The following TAB2 variants were observed in gnomAD, a reference collection of about 807,000 sequenced individuals.
TAB2 encodes the protein TGF-beta activated kinase 1 (MAP3K7) binding protein 2.
A neutral mutation model predicts 65.0 loss-of-function variants in TAB2; 3 were observed. That is an observed-to-expected ratio of 0.05 (90% CI 0.02 to 0.12). TAB2 has a LOEUF of 0.12. Among genes scored for constraint, TAB2 ranks in the 10% least tolerant of loss-of-function variants. The pLI is 1.00. For synonymous variants in TAB2, 298 were observed against 285.1 expected, an observed-to-expected ratio of 1.05 and a Z score of -0.46; for missense variants, 623 against 840.3, an observed-to-expected ratio of 0.74 and a Z score of 3.20.
chr6:149,403,303 T>TACAC (rs1554265436), intron 6 of TAB2, among the ~76,000 whole-genome samples: 20 of 68,044 alleles, frequency 2.9e-4, no homozygotes, highest in African/African-American at 1.0e-3. Context: ...CACATATATA[T>TACAC]ATATATATAT....
chr6:149,264,443 C>CTTGTT (rs1295221067), intron 1 of TAB2, among the ~76,000 whole-genome samples: 1 of 151,080 alleles, frequency 6.6e-6, no homozygotes, highest in Non-Finnish European at 1.5e-5. Flanking sequence ...GGAAGGAGTT[C>CTTGTT]TTGTTTTGTT....
chr6:149,393,679 A>C (rs1278829422), intron 3 of TAB2, among the ~76,000 whole-genome samples: 1 of 152,208 alleles, frequency 6.6e-6, no homozygotes, highest in Non-Finnish European at 1.5e-5. Context: ...TGTGACTGGG[A>C]GAATGCTCAA....
At chr6:149,315,290 T>C (rs913598353), upstream of TAB2, among the ~76,000 whole-genome samples, 2 of 152,206 alleles carry the variant, frequency 1.3e-5, no homozygotes, top group Non-Finnish European at 2.9e-5. Context: ...TTCACCAATT[T>C]TTAATTGTTT....
At position 149,378,829 on chromosome 6, in the gene TAB2, A is replaced by G; in HGVS notation, c.914A>G (p.Gln305Arg). Residue 305 changes from glutamine to arginine, a missense_variant, in exon 3 of 7, where the codon CAG (glutamine) becomes CGG (arginine). Around this residue, in one of 3 missense-constraint regions of TAB2, gnomAD observed 550 missense variants for 665.7 expected, o/e 0.83. Transcript: ENST00000637181. ...ACCATTCATTCATCTGGTAGCTCAC[A>G]GTCTTCTGCCCATAGCCAATATAAC... ...PPTIHSSGSS[Q>R]SSAHSQYNIQ... 1.9e-6 allele frequency: 3 copies of G among 1,614,170 alleles called. No homozygotes were observed. Among genetic ancestry groups the G allele is most frequent in the South Asian group, 1.1e-5 (1 of 91,088 alleles).
At chr6:149,261,854 C>T (rs966595300) in intron 1 of TAB2, among the ~76,000 whole-genome samples, 1 of 152,240 alleles carries the variant, frequency 6.6e-6, no homozygotes, top group African/African-American at 2.4e-5. Flanking sequence ...ATGTGCAACT[C>T]AGGCTAATTT....
intron 1 of TAB2, among the ~76,000 whole-genome samples, chr6:149,248,456 G>GGAAGAA (rs1777782814): frequency 9.0e-6 from 1 of 110,704 alleles, no homozygotes; most frequent in African/African-American, 3.6e-5. Context: ...AGGAAGAAAA[G>GGAAGAA]AAGGAAGGAA....
intron 3 of TAB2, among the ~76,000 whole-genome samples, chr6:149,396,288 G>A (rs1028460269): frequency 6.6e-6 from 1 of 152,172 alleles, no homozygotes; most frequent in African/African-American, 2.4e-5. Flanking sequence ...CAAAGTGCTG[G>A]AGTTACAGGT....
chr6:149,328,604 A>G (rs1363727466), intron 1 of TAB2, among the ~76,000 whole-genome samples: 1 of 152,100 alleles, frequency 6.6e-6, no homozygotes, highest in East Asian at 1.9e-4. Context: ...TACATTCTTT[A>G]TTATTCAAAC....
chr6:149,340,806 A>G (rs921538913), intron 1 of TAB2, among the ~76,000 whole-genome samples: 2 of 152,148 alleles, frequency 1.3e-5, no homozygotes, highest in African/African-American at 4.8e-5. Flanking sequence ...ACTTTTTAAA[A>G]CTTTTAAAAT....
intron 6 of TAB2, among the ~76,000 whole-genome samples, chr6:149,407,409 G>C (rs115459072): frequency 0.011 from 1,721 of 152,210 alleles, 33 homozygotes; most frequent in African/African-American, 0.04. Context: ...AATTGGTCTT[G>C]ACAGTTGTTG....
intron 1 of TAB2, among the ~76,000 whole-genome samples, chr6:149,312,215 T>C (rs1779177441): frequency 6.6e-6 from 1 of 152,240 alleles, no homozygotes; most frequent in Admixed American, 6.5e-5. Context: ...ACACAACACA[T>C]ACATACCACA....
chr6:149,239,367 G>A (rs900580985), intron 1 of TAB2, among the ~76,000 whole-genome samples: 2 of 137,976 alleles, frequency 1.4e-5, no homozygotes, highest in African/African-American at 5.2e-5. Context: ...GAGCCAGGAA[G>A]CAGAGGCTAA....
intron 1 of TAB2, among the ~76,000 whole-genome samples, chr6:149,340,149 C>T (rs1780070663): frequency 6.6e-6 from 1 of 152,120 alleles, no homozygotes; most frequent in African/African-American, 2.4e-5. Context: ...GAATAAAAAG[C>T]TTAAACTACA....
chr6:149,379,972 G>T (rs1323439543), intron 3 of TAB2: 2 of 450,038 alleles, frequency 4.4e-6, no homozygotes, highest in Admixed American at 2.4e-5. Context: ...GGGCATGGTG[G>T]CTCACGCCTG....
chr6:149,340,558 G>T (rs1466090226), intron 1 of TAB2, among the ~76,000 whole-genome samples: 1 of 152,114 alleles, frequency 6.6e-6, no homozygotes, highest in Non-Finnish European at 1.5e-5. Context: ...AGAATCAACT[G>T]AAATATTACT....
At chr6:149,316,701 C>T (rs1779260759), upstream of TAB2, among the ~76,000 whole-genome samples, 1 of 152,126 alleles carries the variant, frequency 6.6e-6, no homozygotes, top group South Asian at 2.1e-4. Context: ...CCCCCCTCTT[C>T]CCGCAAAGCT....
intron 1 of TAB2, among the ~76,000 whole-genome samples, chr6:149,227,649 A>C (rs549993647): frequency 2.6e-5 from 4 of 152,326 alleles, no homozygotes; most frequent in African/African-American, 7.2e-5. Flanking sequence ...TGCCCCCAGA[A>C]CATCCCCAGT....
intron 3 of TAB2, among the ~76,000 whole-genome samples, chr6:149,384,867 T>TA (rs929838345): frequency 5.3e-4 from 80 of 152,042 alleles, no homozygotes; most frequent in African/African-American, 1.6e-3. Context: ...CAGAAACTCT[T>TA]AAAAAAAACT....
intron 1 of TAB2, among the ~76,000 whole-genome samples, chr6:149,360,154 A>G (rs1332906073): frequency 1.3e-5 from 2 of 152,048 alleles, no homozygotes; most frequent in African/African-American, 4.8e-5. Flanking sequence ...CTTTATTTGC[A>G]TGTTAGATTT....
Sources: allele counts gnomAD v4.1 joint callset (sites outside exome capture counted in the v4.1 genomes callset), GRCh38; gene constraint gnomAD v4.1.1; regional missense constraint gnomAD v4.1.1; transcripts MANE v1.5; gene names NCBI Gene and HGNC (gene_info 2026-07-23, HGNC 2026-07-21).